The following NUTM2E variants were observed in gnomAD, a reference collection of about 807,000 sequenced individuals.
NUTM2E encodes NUT family member 2E.
Under a neutral mutation model 26.1 loss-of-function variants are expected in NUTM2E, and 3 were observed. The observed-to-expected ratio is 0.12, with a 90% confidence interval of 0.05 to 0.30. NUTM2E has a LOEUF of 0.30. Ranked by LOEUF, NUTM2E falls within the 10% of genes least tolerant of loss-of-function variation. NUTM2E has a pLI of 1.00. For synonymous variants in NUTM2E, 13 were observed against 157.5 expected (o/e 0.08, Z 6.87); for missense variants, 62 against 381.3 (o/e 0.16, Z 6.97).
chr10:79,833,742 AAC>A (rs1257473743), intron 1 of NUTM2E, among the ~76,000 whole-genome samples: 1 of 151,882 alleles, frequency 6.6e-6, no homozygotes, highest in Non-Finnish European at 1.5e-5. Flanking sequence ...AAGAAACAGG[AAC>A]AGTTTTACAC....
In NUTM2E at chr10:79,840,331, A is replaced by G. The variant is rs906237672; in HGVS notation, c.-1410A>G. On this transcript the variant is annotated 5_prime_UTR_variant, in exon 4 of 10. Coordinates refer to ENST00000429984, the MANE Select transcript of NUTM2E (RefSeq NM_001355263.2). ...CCGTTGATCTTCTCAGCTAAGATGG[A>G]GGTAGAGTTGCACAGTGGAAGAGGG... Among the ~76,000 whole-genome samples, 1 of 132,666 alleles carries G rather than the reference A, an allele frequency of 7.5e-6. No homozygotes were observed. The highest frequency in any genetic ancestry group is 2.8e-5 in the African/African-American group (1 of 35,282). The allele number at this position is 132,666 out of a possible 152,430, so 87.0% of individuals were successfully genotyped here.
At position 79,832,462 on chromosome 10, in the gene NUTM2E, A is replaced by T. The variant is rs546447277; in HGVS notation, c.-2728+5105A>T. On this transcript the variant is annotated intron_variant, in intron 1 of 9. Coordinates refer to ENST00000429984, the MANE Select transcript of NUTM2E (RefSeq NM_001355263.2). ...TTGTCAACTGATTTAATCAGTGGGT[A>T]TTTCAGTATGAGGCATAGTTGGTGA... 1.3e-3 allele frequency among the ~76,000 whole-genome samples: 199 copies of T among 151,874 alleles called. 1 individual carries two copies. The highest frequency in any genetic ancestry group is 6.8e-3 in the Middle Eastern group (2 of 292).
At chr10:79,828,371 T>C (rs72820375) in intron 1 of NUTM2E, among the ~76,000 whole-genome samples, 14,612 of 151,880 alleles carry the variant, frequency 0.096, 1,090 homozygotes, top group South Asian at 0.22. Flanking sequence ...GTCTTCTCTC[T>C]ACGTTTTTAT....
intron 1 of NUTM2E, among the ~76,000 whole-genome samples, chr10:79,836,851 A>T (rs1348299210): frequency 2.6e-5 from 4 of 152,064 alleles, no homozygotes; most frequent in African/African-American, 9.7e-5. Context: ...AAATACTATT[A>T]GTTCATGCCC....
intron 1 of NUTM2E, chr10:79,827,667 T>C (rs1378097281): frequency 4.6e-5 from 7 of 151,218 alleles, no homozygotes; most frequent in African/African-American, 1.7e-4. Flanking sequence ...AAAGTAACTG[T>C]AAGTGGAGCC....
rs1007483702 is a variant in NUTM2E at position 79,838,869 on chromosome 10, G to A, written c.-2360G>A. Reference sequence around the variant, plus strand: ...GCGCGTCTCCCTGCCATCAACCGCCGCAACTGGCGCTGGGAGCGGTTGAGG... The same window carrying A: ...GCGCGTCTCCCTGCCATCAACCGCCACAACTGGCGCTGGGAGCGGTTGAGG... On this transcript the variant is annotated 5_prime_UTR_variant, in exon 3 of 10. Coordinates refer to ENST00000429984, the MANE Select transcript of NUTM2E (RefSeq NM_001355263.2). Among the ~76,000 whole-genome samples, 12 of 141,490 alleles carry A rather than the reference G, an allele frequency of 8.5e-5. No individual in the cohort carries two copies. Among genetic ancestry groups the A allele is most frequent in the Admixed American group, 3.5e-4 (5 of 14,158 alleles). 92.8% of individuals were successfully genotyped at this position (141,490 alleles called of 152,430 possible).
chr10:79,829,957 G>A (rs1289931728), intron 1 of NUTM2E, among the ~76,000 whole-genome samples: 1 of 151,268 alleles, frequency 6.6e-6, no homozygotes, highest in Non-Finnish European at 1.5e-5. Flanking sequence ...TTGTACTCAG[G>A]AGAAGAGTCT....
At chr10:79,832,850 A>C (rs34289718) in intron 1 of NUTM2E, among the ~76,000 whole-genome samples, 3,470 of 151,830 alleles carry the variant, frequency 0.023, 101 homozygotes, top group Non-Finnish European at 0.034. Context: ...AGGAAATAAG[A>C]ATGAGAAACA....
intron 1 of NUTM2E, among the ~76,000 whole-genome samples, chr10:79,830,002 T>C (rs980900731): frequency 6.6e-6 from 1 of 151,622 alleles, no homozygotes; most frequent in Non-Finnish European, 1.5e-5. Flanking sequence ...TATCCAAAAG[T>C]AAGAAGAGGA....
rs540612987 is a variant in NUTM2E, at chr10:79,828,082, A to G, written c.-2728+725A>G. 8.4e-4 allele frequency among the ~76,000 whole-genome samples: 128 copies of G among 151,660 alleles called. 3 individuals carry two copies. Among genetic ancestry groups the G allele is most frequent in the African/African-American group, 2.9e-3 (121 of 41,408 alleles). On this transcript the variant is annotated intron_variant, in intron 1 of 9. Coordinates refer to ENST00000429984, the MANE Select transcript of NUTM2E (RefSeq NM_001355263.2). ...AGTGCTGGGATTACAGGCGTGAGCC[A>G]CCGTGCCCGGCCGACAGGTGTTTTT...
chr10:79,849,124 CTG>C (rs1402931060), intron 8 of NUTM2E, among the ~76,000 whole-genome samples: 8 of 97,050 alleles, frequency 8.2e-5, no homozygotes, highest in African/African-American at 2.7e-4. Context: ...TTACCTGTGT[CTG>C]TGTCTTTTCC....
intron 1 of NUTM2E, among the ~76,000 whole-genome samples, chr10:79,834,815 TACACACACACAC>T (rs71925965): frequency 1.4e-5 from 2 of 145,874 alleles, no homozygotes; most frequent in Admixed American, 6.9e-5. Context: ...ACAGAATACC[TACACACACACAC>T]ACACACACAC....
chr10:79,832,677 T>C (rs952362143), intron 1 of NUTM2E, among the ~76,000 whole-genome samples: 7 of 151,756 alleles, frequency 4.6e-5, no homozygotes, highest in East Asian at 1.9e-4. Flanking sequence ...CCAATAATTA[T>C]AAAAATAAGA....
intron 1 of NUTM2E, among the ~76,000 whole-genome samples, chr10:79,834,351 AAAAG>A (rs543409587): frequency 2.5e-4 from 38 of 151,908 alleles, no homozygotes; most frequent in Admixed American, 1.8e-3. Flanking sequence ...AAGTATCATA[AAAAG>A]AAAGAAATGT....
intron 2 of NUTM2E, among the ~76,000 whole-genome samples, 86 bp downstream of exon 2, chr10:79,838,672 A>G (rs1436574955): frequency 2.0e-5 from 3 of 151,696 alleles, no homozygotes; most frequent in Non-Finnish European, 4.4e-5. Context: ...GAGCACAGCC[A>G]CAGGCCTGCT....
intron 1 of NUTM2E, among the ~76,000 whole-genome samples, chr10:79,828,603 T>C (rs1283190533): frequency 1.3e-5 from 2 of 151,948 alleles, no homozygotes. Flanking sequence ...TTTTCTGTTA[T>C]ATAAATTTTA....
At chr10:79,831,273 C>G (rs1429970392) in intron 1 of NUTM2E, among the ~76,000 whole-genome samples, 1 of 151,524 alleles carries the variant, frequency 6.6e-6, no homozygotes, top group Non-Finnish European at 1.5e-5. Context: ...ATCAGTTACT[C>G]TGACTCAGTC....
In NUTM2E at chr10:79,838,335, T is replaced by C. The variant is rs1158907932; in HGVS notation, c.-2701T>C. ...TGCTCCTATCAGTGACAAATCAGTG[T>C]ATTAGAACATGCATGCTGGCTGATC... On this transcript the variant is annotated 5_prime_UTR_variant, in exon 2 of 10. Transcript: ENST00000429984. 1.7e-5 allele frequency among the ~76,000 whole-genome samples: 1 copy of C among 60,178 alleles called. No homozygotes were observed. The highest frequency in any genetic ancestry group is 2.0e-4 in the Admixed American group (1 of 5,016). 39.5% of individuals were successfully genotyped at this position (60,178 alleles called of 152,430 possible).
chr10:79,832,582 C>T (rs1024788378), intron 1 of NUTM2E, among the ~76,000 whole-genome samples: 2 of 151,614 alleles, frequency 1.3e-5, no homozygotes, highest in African/African-American at 4.8e-5. Context: ...ACATTGCCTA[C>T]TGATTTTTAT....
Sources: allele counts gnomAD v4.1 joint callset (sites outside exome capture counted in the v4.1 genomes callset), GRCh38; gene constraint gnomAD v4.1.1; transcripts MANE v1.5; gene names NCBI Gene and HGNC (gene_info 2026-07-23, HGNC 2026-07-21).